Variants in HERPUD1 observed in about 807,000 individuals in gnomAD.
HERPUD1 encodes homocysteine inducible ER protein with ubiquitin like domain 1.
Under a neutral mutation model 45.0 loss-of-function variants are expected in HERPUD1, and 17 were observed. The observed-to-expected ratio is 0.38, with a 90% confidence interval of 0.26 to 0.57. The LOEUF (loss-of-function observed/expected upper bound fraction) is 0.57, where lower values mean the gene tolerates loss of function less well. HERPUD1 is among the 20% of genes least tolerant of loss of function. The probability of loss-of-function intolerance (pLI) is 0.72; values close to 1 mark genes in which losing one functional copy is unlikely to be tolerated. For missense variants in HERPUD1, 420 were observed against 490.5 expected (o/e 0.86, Z 1.36); for synonymous variants, 164 against 177.5 (o/e 0.92, Z 0.61).
At chr16:56,939,859 T>G (rs2055895319) in intron 5 of HERPUD1, 36 bp from the exon 6 acceptor site, 1 of 1,529,866 alleles carries the variant, frequency 6.5e-7, no homozygotes, top group Non-Finnish European at 9.0e-7. Flanking sequence ...GGTGCTTTGG[T>G]CTCAACAGTA....
rs538958942 is a variant in HERPUD1, at chr16:56,933,502, C to G, written c.147+1111C>G. On this transcript the variant is annotated intron_variant, in intron 1 of 7. Transcript: ENST00000439977. ...CACAAATTGGTGAAGCAGGTGTAGC[C>G]TATGGTTGCATCATATGGCAAAAGG... Among the ~76,000 whole-genome samples, 3 of 152,226 alleles carry G rather than the reference C, an allele frequency of 2.0e-5. No homozygotes were observed. In the East Asian group the frequency reaches 5.8e-4, roughly 29 times the overall value.
chr16:56,942,684 G>A (rs895692892), intron 7 of HERPUD1, among the ~76,000 whole-genome samples: 14 of 152,068 alleles, frequency 9.2e-5, no homozygotes, highest in Non-Finnish European at 1.5e-4. Context: ...GTGACACCCC[G>A]TCTCTACTAA....
Position 56,943,541 on chromosome 16 carries a change from G to A in HERPUD1, c.*251G>A, listed in dbSNP as rs2055928403. 5.6e-6 allele frequency: 3 copies of A among 539,116 alleles called. No homozygotes were observed. In the South Asian group the frequency reaches 6.0e-5, roughly 11 times the overall value. The allele number at this position is 539,116 out of a possible 1,614,324, so 33.4% of individuals were successfully genotyped here. On this transcript the variant is annotated 3_prime_UTR_variant, in exon 8 of 8. Transcript: ENST00000439977. ...ATATATACTCTATGTAGTTTAATAA[G>A]CACTGTACGTAGAAGGCCTTAGGTG...
intron 1 of HERPUD1, chr16:56,933,460 A>C: frequency 2.4e-6 from 1 of 419,726 alleles, no homozygotes. Flanking sequence ...TGTTGCCATG[A>C]GAATGACTAT....
chr16:56,934,792 A>G (rs564417195), intron 1 of HERPUD1, among the ~76,000 whole-genome samples: 4 of 138,742 alleles, frequency 2.9e-5, no homozygotes, highest in African/African-American at 1.1e-4. Flanking sequence ...GCTCACTGCA[A>G]CCTCTGCCTC....
Position 56,936,790 on chromosome 16 carries a change from C to A in HERPUD1, c.404C>A (p.Ser135Tyr). The A allele has an allele frequency of 6.2e-7, 1 of 1,614,084 alleles. No homozygotes were observed. Among genetic ancestry groups the A allele is most frequent in the Non-Finnish European group, 8.5e-7 (1 of 1,179,976 alleles). Reference sequence around the variant, plus strand: ...CAAAGGGAAGTTCTTCGGAACCTTTCTTCCCCTGGATGGGAAAACATCTCA... The same window carrying A: ...CAAAGGGAAGTTCTTCGGAACCTTTATTCCCCTGGATGGGAAAACATCTCA... ...LRQREVLRNL[S>Y]SPGWENISRP... Residue 135 changes from serine to tyrosine, a missense_variant, in exon 4 of 8, where the codon TCT (serine) becomes TAT (tyrosine). Coordinates refer to ENST00000439977, the MANE Select transcript of HERPUD1 (RefSeq NM_014685.4).
At chr16:56,935,621 C>A in intron 3 of HERPUD1, 146 bp downstream of exon 3, 1 of 681,528 alleles carries the variant, frequency 1.5e-6, no homozygotes, top group Non-Finnish European at 2.5e-6. Flanking sequence ...GAATTAGAAA[C>A]TGTATTATCA....
At chr16:56,933,340 T>C (rs1312699574) in intron 1 of HERPUD1, 2 of 455,936 alleles carry the variant, frequency 4.4e-6, no homozygotes, top group African/African-American at 4.0e-5. Context: ...TGAGTTGTTA[T>C]TTTGAAATTT....
intron 1 of HERPUD1, among the ~76,000 whole-genome samples, chr16:56,934,449 C>T (rs1002661571): frequency 6.6e-6 from 1 of 152,154 alleles, no homozygotes; most frequent in Admixed American, 6.6e-5. Context: ...GTCACCCACA[C>T]GCCATCTCCT....
Position 56,936,822 on chromosome 16 carries a change from G to A in HERPUD1, c.431+5G>A. On this transcript the variant is annotated splice_donor_5th_base_variant and intron_variant, in intron 4 of 7. Coordinates refer to ENST00000439977, the MANE Select transcript of HERPUD1 (RefSeq NM_014685.4). ...TGGATGGGAAAACATCTCAAGGTGA[G>A]TGTTATAATAAAGATCTTGGCTTAT... is the stretch of plus-strand genomic sequence containing the variant. The A allele has an allele frequency of 6.2e-7, 1 of 1,613,044 alleles. No homozygotes were observed. The highest frequency in any genetic ancestry group is 8.5e-7 in the Non-Finnish European group (1 of 1,179,344).
At chr16:56,934,965 G>A (rs1415587785) in intron 1 of HERPUD1, 1 of 363,880 alleles carries the variant, frequency 2.7e-6, no homozygotes, top group Non-Finnish European at 5.2e-6. Flanking sequence ...GCCCGCCTTG[G>A]CCTCCCACAG....
Position 56,943,268 on chromosome 16 carries a change from G to T in HERPUD1, c.1154G>T (p.Gly385Val), listed in dbSNP as rs1478643662. Residue 385 changes from glycine (G) to valine (V), a missense_variant, in exon 8 of 8, where the codon GGC becomes GTC. Coordinates refer to ENST00000439977, the MANE Select transcript of HERPUD1 (RefSeq NM_014685.4). ...TTCTTTGCCTCTCTTCTTCCAGAAG[G>T]CCCCCCAGCCATCGCAAACTGATGG... Reference protein sequence around the residue: ...KTFFASLLPEGPPAIAN With the variant: ...KTFFASLLPEVPPAIAN 1.2e-6 allele frequency: 2 copies of T among 1,613,952 alleles called. No individual in the cohort carries two copies. The highest frequency in any genetic ancestry group is 2.2e-5 in the South Asian group (2 of 91,090).
Position 56,943,513 on chromosome 16 carries a change from T to C in HERPUD1, c.*223T>C. The stretch of plus-strand genomic sequence containing the variant: ...TCTCATGTCTTTATTCTGAAGAGCT[T>C]TAATATATACTCTATGTAGTTTAAT... On this transcript the variant is annotated 3_prime_UTR_variant, in exon 8 of 8. Transcript: ENST00000439977. 1.7e-6 allele frequency: 1 copy of C among 605,820 alleles called. No homozygotes were observed. Among genetic ancestry groups the C allele is most frequent in the Non-Finnish European group, 3.0e-6 (1 of 335,990 alleles). 37.5% of individuals were successfully genotyped at this position (605,820 alleles called of 1,614,324 possible).
Position 56,934,838 on chromosome 16 carries a change from A to C in HERPUD1, c.148-397A>C, listed in dbSNP as rs546634358. ...GCGATTCCCCTGCCTCAGCCTCCTG[A>C]GTAGTTTGGGTTACAGGCACAAGCC... On this transcript the variant is annotated intron_variant, in intron 1 of 7. Coordinates refer to ENST00000439977, the MANE Select transcript of HERPUD1 (RefSeq NM_014685.4). The C allele has an allele frequency of 4.1e-5, 8 of 193,906 alleles. No individual in the cohort carries two copies. The East Asian group carries it at 1.1e-3, about 26-fold the overall frequency. 12.0% of individuals were successfully genotyped at this position (193,906 alleles called of 1,614,324 possible).
chr16:56,935,387 C>G lies in HERPUD1; in HGVS notation c.226-14C>G, dbSNP rs996915651. 3.2e-5 allele frequency: 51 copies of G among 1,613,564 alleles called. No individual in the cohort carries two copies. The highest frequency in any genetic ancestry group is 4.2e-5 in the Non-Finnish European group (50 of 1,179,612). On this transcript the variant is annotated splice_polypyrimidine_tract_variant and intron_variant, in intron 2 of 7. Coordinates refer to ENST00000439977, the MANE Select transcript of HERPUD1 (RefSeq NM_014685.4). Reference sequence around the variant, plus strand: ...TTAGGTTCAGGTCCTTAAGTACCTTCGTATTACTTTTAGCAGGAAAAACGG... The same window carrying G: ...TTAGGTTCAGGTCCTTAAGTACCTTGGTATTACTTTTAGCAGGAAAAACGG...
At chr16:56,939,120 C>T (rs1332818558) in intron 4 of HERPUD1, 117 bp from the exon 5 acceptor site, 21 of 1,156,210 alleles carry the variant, frequency 1.8e-5, no homozygotes, top group African/African-American at 9.2e-5. Context: ...ATGTAACTGC[C>T]GTAAATTCCA....
intron 6 of HERPUD1, chr16:56,940,522 T>G (rs865793227): frequency 8.1e-5 from 27 of 333,338 alleles, no homozygotes; most frequent in Middle Eastern, 8.9e-4. Context: ...GGCCAGGTGG[T>G]CTCGAACTCC....
chr16:56,944,204 T>C lies in HERPUD1; in HGVS notation c.*914T>C, dbSNP rs4474668. 0.39 allele frequency: 59,723 copies of C among 152,186 alleles called. 14,024 individuals are homozygous for C. Among genetic ancestry groups the C allele is most frequent in the African/African-American group, 0.66 (27,570 of 41,470 alleles). The allele number at this position is 152,186 out of a possible 1,614,324, so 9.4% of individuals were successfully genotyped here. A position where few individuals can be genotyped will look rare whatever the true frequency, so the allele number is the denominator to read the frequency against. ...GACTACAGGCATGCGCCATCACACTTAGCTTGAAAGTTTTAATTTACTAAG... is the reference window on the plus strand; with the variant it reads ...GACTACAGGCATGCGCCATCACACTCAGCTTGAAAGTTTTAATTTACTAAG... On this transcript the variant is annotated 3_prime_UTR_variant, in exon 8 of 8. Transcript: ENST00000439977.
chr16:56,941,890 T>G (rs2055912684), intron 6 of HERPUD1: 1 of 435,992 alleles, frequency 2.3e-6, no homozygotes, highest in Non-Finnish European at 4.2e-6. Context: ...GTGCATACTA[T>G]GTGCCAGGTG....
Sources: gnomAD v4.1 joint callset for allele counts (sites outside exome capture counted in the v4.1 genomes callset) on GRCh38, gnomAD v4.1.1 for gene constraint, MANE v1.5 for transcripts, NCBI Gene and HGNC (gene_info 2026-07-23, HGNC 2026-07-21) for gene names.